The following MLPH variants were observed in gnomAD, a reference collection of about 807,000 sequenced individuals.
MLPH encodes the protein melanophilin.
MLPH carries 51 observed loss-of-function variants against 72.1 expected under a neutral mutation model. The observed-to-expected ratio is 0.71, with a 90% CI of 0.56 to 0.89. The LOEUF (loss-of-function observed/expected upper bound fraction) is 0.89. MLPH is among the 40% of genes least tolerant of loss of function. The pLI, the probability that MLPH is intolerant of heterozygous loss-of-function variation, is 0.00. For synonymous variants in MLPH, 301 were observed against 310.1 expected (o/e 0.97, Z 0.31); for missense variants, 743 against 759.9 (o/e 0.98, Z 0.26).
chr2:237,500,227 C>T (rs1226553482), intron 2 of MLPH, among the ~76,000 whole-genome samples: 1 of 152,168 alleles, frequency 6.6e-6, no homozygotes, highest in Admixed American at 6.5e-5. Flanking sequence ...GTCGAGGGCC[C>T]TGGCCTCAAC....
intron 11 of MLPH, among the ~76,000 whole-genome samples, chr2:237,542,348 A>T (rs1205856773): frequency 3.9e-5 from 6 of 152,006 alleles, no homozygotes; most frequent in African/African-American, 1.2e-4. Context: ...GCCTGGGGTG[A>T]CCCATAAGGA....
intron 9 of MLPH, among the ~76,000 whole-genome samples, chr2:237,537,239 A>C (rs577054385): frequency 6.6e-6 from 1 of 152,290 alleles, no homozygotes; most frequent in Non-Finnish European, 1.5e-5. Context: ...TGTTTTCCAC[A>C]CATACATGTG....
intron 2 of MLPH, among the ~76,000 whole-genome samples, chr2:237,494,950 C>T (rs2106458964): frequency 1.3e-5 from 2 of 152,288 alleles, no homozygotes; most frequent in African/African-American, 4.8e-5. Context: ...TTCTGCAGGT[C>T]AGAGGTCCTA....
At chr2:237,506,372 C>A (rs1051956973) in intron 2 of MLPH, among the ~76,000 whole-genome samples, 1 of 152,116 alleles carries the variant, frequency 6.6e-6, no homozygotes, top group Non-Finnish European at 1.5e-5. Flanking sequence ...TGTAGCAGGA[C>A]AAGCCACAGA....
At chr2:237,509,641 G>T (rs1426068962) in intron 2 of MLPH, among the ~76,000 whole-genome samples, 1 of 152,142 alleles carries the variant, frequency 6.6e-6, no homozygotes, top group Non-Finnish European at 1.5e-5. Context: ...TTTTCTCTTG[G>T]TTTTTGAAGC....
intron 14 of MLPH, among the ~76,000 whole-genome samples, chr2:237,550,985 CG>C (rs2081025734): frequency 6.6e-6 from 1 of 152,224 alleles, no homozygotes; most frequent in South Asian, 2.1e-4. Flanking sequence ...AGCTCACCCC[CG>C]GCCCCCTGAA....
intron 14 of MLPH, among the ~76,000 whole-genome samples, chr2:237,550,680 G>T (rs1490855306): frequency 1.3e-5 from 2 of 152,308 alleles, no homozygotes; most frequent in Admixed American, 6.5e-5. Flanking sequence ...CTCCTGAGTA[G>T]CTGGGATTAC....
At chr2:237,511,267 C>CTTT in intron 4 of MLPH, 166 bp downstream of exon 4, 14 of 478,064 alleles carry the variant, frequency 2.9e-5, no homozygotes, top group Non-Finnish European at 4.9e-5. Flanking sequence ...CTTCTGGCTG[C>CTTT]TTTTTTTTTT....
Position 237,555,317 on chromosome 2 carries a change from G to C in MLPH, c.*1725G>C, listed in dbSNP as rs76711682. On this transcript the variant is annotated 3_prime_UTR_variant, in exon 16 of 16. Transcript: ENST00000264605. Reference sequence around the variant, plus strand: ...ATAAATAAATGAAAATAATTCTTCAGAGTTCCTTTCCTAGCAGATGGCTAT... The same window carrying C: ...ATAAATAAATGAAAATAATTCTTCACAGTTCCTTTCCTAGCAGATGGCTAT... 1.3e-5 allele frequency: 2 copies of C among 152,112 alleles called. No homozygotes were observed. Among genetic ancestry groups the C allele is most frequent in the Non-Finnish European group, 2.9e-5 (2 of 68,026 alleles). The allele number at this position is 152,112 out of a possible 1,614,324, so 9.4% of individuals were successfully genotyped here.
intron 11 of MLPH, among the ~76,000 whole-genome samples, chr2:237,542,186 G>C (rs1353226637): frequency 6.6e-6 from 1 of 152,100 alleles, no homozygotes; most frequent in Non-Finnish European, 1.5e-5. Context: ...GGTGGAATGG[G>C]GGCCAGGCAA....
intron 6 of MLPH, among the ~76,000 whole-genome samples, chr2:237,521,451 G>T (rs1559355171): frequency 6.6e-6 from 1 of 152,106 alleles, no homozygotes; most frequent in African/African-American, 2.4e-5. Flanking sequence ...TGATGTTATG[G>T]ATGATGGACC....
rs757791411 is a variant in MLPH, at chr2:237,511,038, C to T, written c.382C>T (p.Arg128Cys). ...GTGGTACTATGAGCATGTGAAAGCC[C>T]GCTTCAAGAGGTTCGGAAGTGCCAA... ...LEWYYEHVKA[R>C]FKRFGSAKVI... Residue 128 changes from arginine (R) to cysteine (C), a missense_variant, in exon 4 of 16, where the codon CGC becomes TGC. Coordinates refer to ENST00000264605, the MANE Select transcript of MLPH (RefSeq NM_024101.7). The T allele has an allele frequency of 1.3e-5, 21 of 1,613,846 alleles. No individual in the cohort carries two copies. The East Asian group carries it at 1.3e-4, about 10-fold the overall frequency.
chr2:237,506,575 G>A (rs1480267111), intron 2 of MLPH, among the ~76,000 whole-genome samples: 1 of 152,142 alleles, frequency 6.6e-6, no homozygotes, highest in Non-Finnish European at 1.5e-5. Context: ...GTGACTGGGG[G>A]CTACATGCAC....
chr2:237,531,244 G>T (rs1181466458), intron 8 of MLPH, among the ~76,000 whole-genome samples: 1 of 152,086 alleles, frequency 6.6e-6, no homozygotes, highest in African/African-American at 2.4e-5. Flanking sequence ...TCTGAGAAAA[G>T]GGGAAGAGCC....
chr2:237,491,963 T>C (rs1465766395), intron 1 of MLPH, among the ~76,000 whole-genome samples: 2 of 152,164 alleles, frequency 1.3e-5, no homozygotes, highest in Non-Finnish European at 2.9e-5. Context: ...AGAGCTTTGC[T>C]ACTCAGAGGG....
chr2:237,545,548 A>G, intron 12 of MLPH: 1 of 1,288,542 alleles, frequency 7.8e-7, no homozygotes, highest in Non-Finnish European at 1.0e-6. Context: ...CGCCTGAATC[A>G]TGTTGCCTCA....
chr2:237,519,067 GGTTTT>G (rs905028050), intron 5 of MLPH, among the ~76,000 whole-genome samples: 6 of 143,118 alleles, frequency 4.2e-5, no homozygotes, highest in African/African-American at 1.7e-4. Context: ...TCTCCTTCTG[GGTTTT>G]GTTTTGTTTT....
chr2:237,553,556 T>C lies in MLPH; in HGVS notation c.1777-10T>C, dbSNP rs2081078780. 3 of 1,613,940 alleles carry C rather than the reference T, an allele frequency of 1.9e-6. No individual in the cohort carries two copies. Among genetic ancestry groups the C allele is most frequent in the Non-Finnish European group, 2.5e-6 (3 of 1,179,978 alleles). On this transcript the variant is annotated splice_polypyrimidine_tract_variant and intron_variant, in intron 15 of 15. Transcript: ENST00000264605. ...GTGCTTATATGTGCATGTGTGTTTG[T>C]ACTTTACAGAAACCTGTGGTGGCCC...
At position 237,529,188 on chromosome 2, in the gene MLPH, G is replaced by C. The variant is rs543088651; in HGVS notation, c.1020+1672G>C. Among the ~76,000 whole-genome samples the C allele has an allele frequency of 3.4e-3, 522 of 152,044 alleles. 5 individuals are homozygous for C. Among genetic ancestry groups the C allele is most frequent in the African/African-American group, 0.012 (487 of 41,490 alleles). On this transcript the variant is annotated intron_variant, in intron 8 of 15. Coordinates refer to ENST00000264605, the MANE Select transcript of MLPH (RefSeq NM_024101.7). ...TTCCTGAGTAGCTGGGATCACAGGC[G>C]CCCACCACCACGCCCGGCTAATTTT...
Sources: allele counts gnomAD v4.1 joint callset (sites outside exome capture counted in the v4.1 genomes callset), GRCh38; gene constraint gnomAD v4.1.1; transcripts MANE v1.5; gene names NCBI Gene and HGNC (gene_info 2026-07-23, HGNC 2026-07-21).